Variants in ANGPTL2 observed in about 807,000 individuals in gnomAD.
ANGPTL2 encodes the protein angiopoietin like 2.
Under a neutral mutation model 52.8 loss-of-function variants are expected in ANGPTL2, and 25 were observed. That is an observed-to-expected ratio of 0.47 (90% CI 0.35 to 0.66). The LOEUF (loss-of-function observed/expected upper bound fraction) is 0.66. Ranked by LOEUF, ANGPTL2 falls within the 30% of genes least tolerant of loss-of-function variation. ANGPTL2 has a pLI of 0.01. For synonymous variants in ANGPTL2, 276 were observed against 277.4 expected (o/e 1.00, Z 0.05); for missense variants, 546 against 656.9 (o/e 0.83, Z 1.84).
intron 1 of ANGPTL2, among the ~76,000 whole-genome samples, chr9:127,112,555 G>T (rs2054945801): frequency 6.6e-6 from 1 of 152,240 alleles, no homozygotes; most frequent in African/African-American, 2.4e-5. Context: ...ACTATTTATG[G>T]TTGAGTTCTA....
intron 2 of ANGPTL2, among the ~76,000 whole-genome samples, chr9:127,101,025 A>C (rs982802716): frequency 6.6e-6 from 1 of 152,176 alleles, no homozygotes; most frequent in Non-Finnish European, 1.5e-5. Flanking sequence ...TGATTTCTTG[A>C]CTATCACTGG....
intron 2 of ANGPTL2, among the ~76,000 whole-genome samples, chr9:127,105,251 A>G (rs922910256): frequency 6.6e-6 from 1 of 152,222 alleles, no homozygotes; most frequent in African/African-American, 2.4e-5. Context: ...CATTCCAGTT[A>G]TCTCTGTGAT....
intron 1 of ANGPTL2, among the ~76,000 whole-genome samples, chr9:127,120,800 C>T (rs1352372766): frequency 2.6e-5 from 4 of 151,866 alleles, no homozygotes; most frequent in African/African-American, 9.7e-5. Flanking sequence ...TGCACTCCAG[C>T]CTGGGTGACA....
rs1589393910 is a variant in ANGPTL2 at position 127,087,902 on chromosome 9, A to C, written c.*1037T>G. The C allele has an allele frequency of 6.5e-6, 1 of 152,742 alleles. No individual in the cohort carries two copies. Among genetic ancestry groups the C allele is most frequent in the East Asian group, 1.9e-4 (1 of 5,188 alleles). 9.5% of individuals were successfully genotyped at this position (152,742 alleles called of 1,614,324 possible). A position where few individuals can be genotyped will look rare whatever the true frequency, so the allele number is the denominator to read the frequency against. On this transcript the variant is annotated 3_prime_UTR_variant, in exon 5 of 5. Transcript: ENST00000373425. ...AGGTTATTATTTGTGTGAAGACTCA[A>C]ATGACCTGTAGGTTAAAGTATGAAT...
intron 2 of ANGPTL2, 77 bp from the exon 3 acceptor site, chr9:127,094,003 C>A: frequency 3.3e-6 from 5 of 1,523,210 alleles, no homozygotes; most frequent in Non-Finnish European, 4.5e-6. Flanking sequence ...CCCAAGCAGG[C>A]ACAACCTCTG....
At chr9:127,116,730 TG>T (rs2055466757) in intron 1 of ANGPTL2, among the ~76,000 whole-genome samples, 1 of 152,232 alleles carries the variant, frequency 6.6e-6, no homozygotes, top group African/African-American at 2.4e-5. Context: ...GCTGTTTGGA[TG>T]GACTTGTTCC....
At chr9:127,100,518 G>T (rs772162001) in intron 2 of ANGPTL2, among the ~76,000 whole-genome samples, 35 of 152,292 alleles carry the variant, frequency 2.3e-4, no homozygotes, top group Middle Eastern at 3.4e-3. Context: ...GTTTAGAAGG[G>T]GCTTTAGTGG....
Position 127,122,203 on chromosome 9 carries a change from A to T in ANGPTL2, c.-50+112T>A, listed in dbSNP as rs993654310. Reference sequence around the variant, plus strand: ...CGATAGCAGGGAGTGACCCTCTGAGATCCAGCAGCACACACCCCCAGCTGG... The same window carrying T: ...CGATAGCAGGGAGTGACCCTCTGAGTTCCAGCAGCACACACCCCCAGCTGG... On this transcript the variant is annotated intron_variant, in intron 1 of 4. Transcript: ENST00000373425. The surrounding 1 kb of genome is among the most constrained non-coding windows in gnomAD (Gnocchi z 6.4). 6.6e-6 allele frequency: 1 copy of T among 152,020 alleles called. No individual in the cohort carries two copies. Among genetic ancestry groups the T allele is most frequent in the Non-Finnish European group, 1.5e-5 (1 of 68,044 alleles). 9.4% of individuals were successfully genotyped at this position (152,020 alleles called of 1,614,324 possible).
chr9:127,120,332 C>T (rs1328392985), intron 1 of ANGPTL2, among the ~76,000 whole-genome samples: 2 of 152,212 alleles, frequency 1.3e-5, no homozygotes, highest in Non-Finnish European at 2.9e-5. Flanking sequence ...AATATGTCTG[C>T]ACTTTTTCTT....
intron 4 of ANGPTL2, among the ~76,000 whole-genome samples, chr9:127,090,865 G>A (rs2052384018): frequency 1.3e-5 from 2 of 152,236 alleles, no homozygotes; most frequent in African/African-American, 4.8e-5. Context: ...GGCATTAACT[G>A]TGTGGGAGGC....
At position 127,091,954 on chromosome 9, in the gene ANGPTL2, A is replaced by G; in HGVS notation, c.1012-14T>C. Reference sequence around the variant, plus strand: ...CCCAAACCCTTGCTGGGGAAAACCCAGGAGAGTGTTAATGTGGAGCCTGCA... The same window carrying G: ...CCCAAACCCTTGCTGGGGAAAACCCGGGAGAGTGTTAATGTGGAGCCTGCA... On this transcript the variant is annotated splice_polypyrimidine_tract_variant and intron_variant, in intron 3 of 4. Coordinates refer to ENST00000373425, the MANE Select transcript of ANGPTL2 (RefSeq NM_012098.3). The surrounding 1 kb of genome is among the most constrained non-coding windows in gnomAD (Gnocchi z 4.3). The G allele has an allele frequency of 1.2e-6, 2 of 1,612,724 alleles. No individual in the cohort carries two copies. The highest frequency in any genetic ancestry group is 1.7e-6 in the Non-Finnish European group (2 of 1,179,030).
In ANGPTL2 at chr9:127,088,580, A is replaced by G. The variant is rs2052050303; in HGVS notation, c.*359T>C. ...ATGTGATGTATATCTAAATGCATAT[A>G]TATGTGGTATACACATACGTGCACA... On this transcript the variant is annotated 3_prime_UTR_variant, in exon 5 of 5. Transcript: ENST00000373425. 7.0e-6 allele frequency: 2 copies of G among 285,850 alleles called. No individual in the cohort carries two copies. The highest frequency in any genetic ancestry group is 8.2e-5 in the East Asian group (1 of 12,240). The allele number at this position is 285,850 out of a possible 1,614,324, so 17.7% of individuals were successfully genotyped here. A position where few individuals can be genotyped will look rare whatever the true frequency, so the allele number is the denominator to read the frequency against.
intron 4 of ANGPTL2, among the ~76,000 whole-genome samples, chr9:127,089,786 A>G (rs775938891): frequency 6.6e-6 from 1 of 152,274 alleles, no homozygotes; most frequent in Non-Finnish European, 1.5e-5. Context: ...TCAGAACAAC[A>G]GTAAAAACTG....
chr9:127,099,770 C>G (rs1428094388), intron 2 of ANGPTL2, among the ~76,000 whole-genome samples: 1 of 152,218 alleles, frequency 6.6e-6, no homozygotes, highest in Non-Finnish European at 1.5e-5. Flanking sequence ...TTGTATGGTC[C>G]CAAAGGCATT....
At chr9:127,118,278 C>T (rs2055655451) in intron 1 of ANGPTL2, among the ~76,000 whole-genome samples, 1 of 152,210 alleles carries the variant, frequency 6.6e-6, no homozygotes, top group South Asian at 2.1e-4. Context: ...TGAACTCAGT[C>T]ATATGGCTCA....
intron 1 of ANGPTL2, among the ~76,000 whole-genome samples, chr9:127,117,348 A>G (rs1373989095): frequency 6.6e-6 from 1 of 152,230 alleles, no homozygotes; most frequent in Non-Finnish European, 1.5e-5. Context: ...TCCTCTGACT[A>G]CTGAGTATCC....
intron 2 of ANGPTL2, among the ~76,000 whole-genome samples, chr9:127,103,182 A>G (rs1464045277): frequency 1.3e-5 from 2 of 152,216 alleles, no homozygotes; most frequent in East Asian, 1.9e-4. Flanking sequence ...AAAACATACC[A>G]TTGTGCTGGG....
chr9:127,089,626 A>G (rs1321930948), intron 4 of ANGPTL2, among the ~76,000 whole-genome samples: 1 of 152,202 alleles, frequency 6.6e-6, no homozygotes, highest in African/African-American at 2.4e-5. Flanking sequence ...AATGACAAAG[A>G]AAGTGTTTAA....
intron 2 of ANGPTL2, among the ~76,000 whole-genome samples, chr9:127,101,151 ATATT>A (rs1432143180): frequency 1.3e-5 from 2 of 152,216 alleles, no homozygotes; most frequent in Admixed American, 6.5e-5. Context: ...AATGCTTTGT[ATATT>A]TATCTCTACT....
Sources: gnomAD v4.1 joint callset for allele counts (sites outside exome capture counted in the v4.1 genomes callset) on GRCh38, gnomAD v4.1.1 for gene constraint, Gnocchi (gnomAD v3.1) non-coding constraint, MANE v1.5 for transcripts, NCBI Gene and HGNC (gene_info 2026-07-23, HGNC 2026-07-21) for gene names.